Variants in SLC39A12 observed in about 807,000 individuals in gnomAD.
The protein encoded by SLC39A12 is solute carrier family 39 member 12.
A neutral mutation model predicts 71.1 loss-of-function variants in SLC39A12; 63 were observed. The observed-to-expected ratio is 0.89, with a 90% CI of 0.72 to 1.09. The LOEUF (loss-of-function observed/expected upper bound fraction) is 1.09. SLC39A12 is among the 50% of genes least tolerant of loss of function. The probability of loss-of-function intolerance (pLI) is 0.00; values close to 1 mark genes in which losing one functional copy is unlikely to be tolerated. For synonymous variants in SLC39A12, 351 were observed against 301.3 expected (o/e 1.16, Z -1.71); for missense variants, 892 against 812.6 (o/e 1.10, Z -1.19).
chr10:17,968,696 G>T (rs1834894749), intron 4 of SLC39A12, among the ~76,000 whole-genome samples: 1 of 151,880 alleles, frequency 6.6e-6, no homozygotes, highest in Non-Finnish European at 1.5e-5. Flanking sequence ...TATTTATGGG[G>T]TACATAAAAT....
At chr10:17,993,092 A>G (rs763904324) in intron 8 of SLC39A12, 89 bp from the exon 9 acceptor site, 5 of 859,632 alleles carry the variant, frequency 5.8e-6, no homozygotes, top group African/African-American at 3.5e-5. Flanking sequence ...ATTTTGGCCA[A>G]TAGGCAATGG....
chr10:18,005,297 C>T (rs181135303), intron 12 of SLC39A12: 3 of 152,060 alleles, frequency 2.0e-5, no homozygotes, highest in Non-Finnish European at 2.9e-5. Flanking sequence ...TGGAATCCTG[C>T]GATTCTTTCA....
At chr10:17,956,989 CAATT>C (rs534572970) in intron 2 of SLC39A12, among the ~76,000 whole-genome samples, 8 of 152,102 alleles carry the variant, frequency 5.3e-5, no homozygotes, top group African/African-American at 1.2e-4. Context: ...TATTTACAAT[CAATT>C]GTTAGCCACC....
chr10:17,957,808 C>G (rs1374799304), intron 2 of SLC39A12, among the ~76,000 whole-genome samples: 1 of 152,154 alleles, frequency 6.6e-6, no homozygotes, highest in Non-Finnish European at 1.5e-5. Flanking sequence ...ATTCTTTCCT[C>G]AAGCCACAGC....
At chr10:17,953,812 G>A (rs1247918280) in intron 2 of SLC39A12, among the ~76,000 whole-genome samples, 3 of 152,158 alleles carry the variant, frequency 2.0e-5, no homozygotes. Context: ...TTGTGAGCGC[G>A]AACTTTTAGT....
At chr10:18,002,174 G>C (rs1030157082) in intron 11 of SLC39A12, 2 of 152,172 alleles carry the variant, frequency 1.3e-5, no homozygotes, top group African/African-American at 2.4e-5. Flanking sequence ...GGCTGGTCTG[G>C]CATAGGCTCC....
chr10:18,030,869 T>G (rs973734337), intron 12 of SLC39A12, among the ~76,000 whole-genome samples: 73 of 141,248 alleles, frequency 5.2e-4, no homozygotes, highest in African/African-American at 1.9e-3. Context: ...CATTGTTCAA[T>G]TCCCACCTAT....
chr10:18,039,068 T>C (rs1837146516), intron 12 of SLC39A12, among the ~76,000 whole-genome samples: 1 of 152,224 alleles, frequency 6.6e-6, no homozygotes, highest in Non-Finnish European at 1.5e-5. Flanking sequence ...TTATAAGTCT[T>C]TGCAAACAAA....
intron 5 of SLC39A12, 87 bp from the exon 6 acceptor site, chr10:17,981,225 G>T: frequency 1.6e-6 from 2 of 1,219,610 alleles, no homozygotes; most frequent in Admixed American, 2.2e-5. Flanking sequence ...ATTCCATCTA[G>T]AATTCACTCC....
intron 6 of SLC39A12, among the ~76,000 whole-genome samples, chr10:17,986,561 C>G (rs1242953748): frequency 6.6e-6 from 1 of 152,190 alleles, no homozygotes; most frequent in Non-Finnish European, 1.5e-5. Context: ...AGTATATGTT[C>G]TAATCACCTC....
intron 12 of SLC39A12, among the ~76,000 whole-genome samples, chr10:18,041,016 C>T (rs985176334): frequency 4.6e-5 from 7 of 151,970 alleles, no homozygotes; most frequent in Non-Finnish European, 8.8e-5. Context: ...AGAGGGGTCT[C>T]ACAATGAAGG....
At chr10:17,977,785 C>T (rs2130803729) in intron 4 of SLC39A12, 117 bp from the exon 5 acceptor site, 2 of 784,380 alleles carry the variant, frequency 2.5e-6, no homozygotes, top group African/African-American at 1.8e-5. Context: ...ATCTCTAGGG[C>T]TTAAAAAATG....
At chr10:18,033,481 G>C (rs938731414) in intron 12 of SLC39A12, among the ~76,000 whole-genome samples, 153 of 149,708 alleles carry the variant, frequency 1.0e-3, no homozygotes, top group African/African-American at 3.7e-3. Context: ...GTATTTCTGT[G>C]GGATCGGTGG....
chr10:18,020,499 C>T, intron 12 of SLC39A12, among the ~76,000 whole-genome samples: 1 of 152,058 alleles, frequency 6.6e-6, no homozygotes, highest in East Asian at 1.9e-4. Context: ...AATGGGATTG[C>T]TGGGTTGAAT....
intron 12 of SLC39A12, among the ~76,000 whole-genome samples, chr10:18,036,387 A>G (rs1245578502): frequency 2.0e-5 from 3 of 151,884 alleles, no homozygotes; most frequent in Non-Finnish European, 4.4e-5. Flanking sequence ...AAAGCGCAGT[A>G]TTCGGGTGGG....
rs764431882 is a variant in SLC39A12 at position 18,000,699 on chromosome 10, C to G, written c.1633C>G (p.Leu545Val). 14 of 1,614,132 alleles carry G rather than the reference C, an allele frequency of 8.7e-6. No individual in the cohort carries two copies. Among genetic ancestry groups the G allele is most frequent in the Middle Eastern group, 1.6e-4 (1 of 6,062 alleles). Residue 545 changes from leucine (L) to valine (V), a missense_variant, in exon 11 of 13, where the codon CTG (leucine) becomes GTG (valine). Physicochemically the swap from Leu to Val is conservative, Grantham distance 32 (BLOSUM62 1). Coordinates refer to ENST00000377369, the MANE Select transcript of SLC39A12 (RefSeq NM_001145195.2). ...CATTAGCTTGTTAGCAATCATGATTCTGGTTGGGGACAGCCTGCATAATTT... is the reference window on the plus strand; with the variant it reads ...CATTAGCTTGTTAGCAATCATGATTGTGGTTGGGGACAGCCTGCATAATTT... ...KAISLLAIMI[L>V]VGDSLHNFAD...
In SLC39A12 at chr10:18,040,956, A is replaced by T. The variant is rs557589247; in HGVS notation, c.1948-1749A>T. On this transcript the variant is annotated intron_variant, in intron 12 of 12. Transcript: ENST00000377369. Reference sequence around the variant, plus strand: ...ATGATTGTGGGCAGAGACACAGCTGACATCTAGTAGGAGCCATAGATACTG... The same window carrying T: ...ATGATTGTGGGCAGAGACACAGCTGTCATCTAGTAGGAGCCATAGATACTG... 3.2e-4 allele frequency among the ~76,000 whole-genome samples: 48 copies of T among 152,138 alleles called. No homozygotes were observed. The South Asian group carries it at 8.9e-3, about 28-fold the overall frequency.
At chr10:17,953,053 G>A in intron 1 of SLC39A12, 138 bp from the exon 2 acceptor site, 1 of 569,286 alleles carries the variant, frequency 1.8e-6, no homozygotes, top group Non-Finnish European at 3.1e-6. Context: ...GCCATTTGGG[G>A]TTAGAAATTA....
chr10:18,011,243 C>T (rs1836212576), intron 12 of SLC39A12, among the ~76,000 whole-genome samples: 1 of 152,010 alleles, frequency 6.6e-6, no homozygotes, highest in African/African-American at 2.4e-5. Context: ...ACATGTGCCC[C>T]CATGCCCGCT....
Sources: gnomAD v4.1 joint callset for allele counts (sites outside exome capture counted in the v4.1 genomes callset) on GRCh38, gnomAD v4.1.1 for gene constraint, MANE v1.5 for transcripts, NCBI Gene and HGNC (gene_info 2026-07-23, HGNC 2026-07-21) for gene names.